The following KRT86 variants were observed in gnomAD, a reference collection of about 807,000 sequenced individuals.
KRT86 encodes keratin, type II cuticular Hb6.
Under a neutral mutation model 41.2 loss-of-function variants are expected in KRT86, and 30 were observed. The observed-to-expected ratio is 0.73, with a 90% CI of 0.54 to 0.99. The LOEUF (loss-of-function observed/expected upper bound fraction) is 0.99. KRT86 is among the 50% of genes least tolerant of loss of function. The pLI is 0.00. For synonymous variants in KRT86, 238 were observed against 238.1 expected, an observed-to-expected ratio of 1.00 and a Z score of 0.00; for missense variants, 561 against 571.4, an observed-to-expected ratio of 0.98 and a Z score of 0.19.
Position 52,308,990 on chromosome 12 carries a change from C to G in KRT86, c.*405C>G, listed in dbSNP as rs1351635418. The G allele has an allele frequency of 4.1e-6, 1 of 243,838 alleles. No individual in the cohort carries two copies. Among genetic ancestry groups the G allele is most frequent in the East Asian group, 1.2e-4 (1 of 8,362 alleles). The allele number at this position is 243,838 out of a possible 1,614,324, so 15.1% of individuals were successfully genotyped here. Reference sequence around the variant, plus strand: ...TGCTTTTGCCTGTGGAATGGAGACGCGGACCCTGGATAGTGGTTCTATGAC... The same window carrying G: ...TGCTTTTGCCTGTGGAATGGAGACGGGGACCCTGGATAGTGGTTCTATGAC... On this transcript the variant is annotated 3_prime_UTR_variant, in exon 11 of 11. Coordinates refer to ENST00000423955, the MANE Select transcript of KRT86 (RefSeq NM_001320198.2).
chr12:52,283,652 G>T lies in KRT86; in HGVS notation c.-5+7706G>T, dbSNP rs1047883494. On this transcript the variant is annotated intron_variant, in intron 2 of 10. Coordinates refer to ENST00000423955, the MANE Select transcript of KRT86 (RefSeq NM_001320198.2). Reference sequence around the variant, plus strand: ...TACCACCACGCCTGGCTAATTTTTTGTATTTTCAGTAGAGATGGGGTTTCT... The same window carrying T: ...TACCACCACGCCTGGCTAATTTTTTTTATTTTCAGTAGAGATGGGGTTTCT... Among the ~76,000 whole-genome samples the T allele has an allele frequency of 4.0e-5, 6 of 151,752 alleles. No homozygotes were observed. In the South Asian group the frequency reaches 1.2e-3, roughly 31 times the overall value.
chr12:52,308,550 GT>G lies in KRT86; in HGVS notation c.1428del (p.Gly477AlafsTer43), dbSNP rs752996118. The G allele has an allele frequency of 4.4e-6, 7 of 1,600,324 alleles. No individual in the cohort carries two copies. Among genetic ancestry groups the G allele is most frequent in the African/African-American group, 1.3e-5 (1 of 74,938 alleles). Reference protein sequence around the residue: ...TTNACAPSARVGVCGGSCKRC With the variant: ...TTNACAPSARXGVCGGSCKRC ...TAACGCCTGCGCCCCCTCCGCCCGG[GT>G]TGGCGTCTGCGGCGGCAGCTGTAAG... is the stretch of plus-strand genomic sequence containing the variant. On this transcript the variant is annotated frameshift_variant, in exon 11 of 11. Transcript: ENST00000423955. LOFTEE classifies it high-confidence loss of function.
rs761421588 is a variant in KRT86 at position 52,305,033 on chromosome 12, G to A, written c.735+6G>A. The A allele has an allele frequency of 7.4e-6, 12 of 1,613,648 alleles. No individual in the cohort carries two copies. The South Asian group carries it at 9.9e-5, about 13-fold the overall frequency. On this transcript the variant is annotated splice_donor_region_variant and intron_variant, in intron 6 of 10. Transcript: ENST00000423955. ...TGAGGCGGCTGTATGAGGAGGTGCG[G>A]GCTCAGGGGCCAGGCAGAGACCTGG...
intron 2 of KRT86, among the ~76,000 whole-genome samples, chr12:52,301,492 T>C (rs191417814): frequency 6.6e-6 from 1 of 152,204 alleles, no homozygotes; most frequent in African/African-American, 2.4e-5. Context: ...ACAGCGGCAT[T>C]GACCATGTCA....
At chr12:52,298,473 C>T (rs1029464319) in intron 2 of KRT86, among the ~76,000 whole-genome samples, 1 of 152,312 alleles carries the variant, frequency 6.6e-6, no homozygotes, top group East Asian at 1.9e-4. Context: ...ATGAGTATAT[C>T]CCATCAATGC....
rs544427931 is a variant in KRT86, at chr12:52,292,191, ACCCCGAT to A, written c.-4-9721_-4-9715del. On this transcript the variant is annotated intron_variant, in intron 2 of 10. Transcript: ENST00000423955. ...ACATGCATTGATGCTCCACCTGTTTACCCCGATTCAACAGTTAACATTATACCATATT... is the reference window on the plus strand; with the variant it reads ...ACATGCATTGATGCTCCACCTGTTTATCAACAGTTAACATTATACCATATT... Among the ~76,000 whole-genome samples, 23 of 152,330 alleles carry A rather than the reference ACCCCGAT, an allele frequency of 1.5e-4. No homozygotes were observed. In the East Asian group the frequency reaches 2.1e-3, roughly 14 times the overall value.
At chr12:52,299,162 A>AT (rs1224422121) in intron 2 of KRT86, among the ~76,000 whole-genome samples, 7 of 152,032 alleles carry the variant, frequency 4.6e-5, no homozygotes, top group African/African-American at 1.7e-4. Context: ...GATGAGATCA[A>AT]TTTTTTTAGC....
intron 2 of KRT86, among the ~76,000 whole-genome samples, chr12:52,276,581 G>A (rs891990525): frequency 1.3e-5 from 1 of 76,364 alleles, no homozygotes; most frequent in African/African-American, 3.5e-5. Context: ...AGAAATGCAA[G>A]TCTGAAAATA....
intron 2 of KRT86, among the ~76,000 whole-genome samples, chr12:52,297,723 TC>T (rs1211385567): frequency 6.6e-6 from 1 of 152,246 alleles, no homozygotes. Context: ...GAAGTGTCTT[TC>T]TTTTACTTAA....
At chr12:52,291,186 C>A (rs1938105274) in intron 2 of KRT86, 1 of 1,321,448 alleles carries the variant, frequency 7.6e-7, no homozygotes, top group Admixed American at 2.3e-5. Flanking sequence ...GGGTCGATCT[C>A]CAGGTTGAGG....
intron 2 of KRT86, chr12:52,288,472 G>C: frequency 6.2e-7 from 1 of 1,613,900 alleles, no homozygotes. Flanking sequence ...AAGGTGGGGA[G>C]TGTTGGAGCT....
chr12:52,304,828 TG>T (rs1046145801), intron 5 of KRT86, 103 bp from the exon 6 acceptor site: 5 of 1,263,732 alleles, frequency 4.0e-6, no homozygotes, highest in African/African-American at 2.9e-5. Context: ...AATGAGACAC[TG>T]GGGACTCCTT....
At chr12:52,288,477 G>A in intron 2 of KRT86, 2 of 1,613,626 alleles carry the variant, frequency 1.2e-6, no homozygotes, top group Non-Finnish European at 1.7e-6. Context: ...GGGGAGTGTT[G>A]GAGCTCAAGG....
intron 2 of KRT86, chr12:52,287,489 C>T (rs1361231420): frequency 1.9e-6 from 3 of 1,604,960 alleles, no homozygotes; most frequent in Non-Finnish European, 2.6e-6. Context: ...TCTACATGGA[C>T]AAAGGGGGTG....
rs71092757 is a variant in KRT86, at chr12:52,302,841, T to TGGG, written c.370-251_370-249dup. ...TCTGTTCATCTGCTTGGGTGGGGGG[T>TGGG]GGGGGGGGGGTCACTCAACTCCCCA... On this transcript the variant is annotated intron_variant, in intron 3 of 10. Transcript: ENST00000423955. 4.4e-3 allele frequency among the ~76,000 whole-genome samples: 553 copies of TGGG among 126,998 alleles called. 2 individuals carry two copies. Among genetic ancestry groups the TGGG allele is most frequent in the Middle Eastern group, 0.02 (5 of 244 alleles). 83.3% of individuals were successfully genotyped at this position (126,998 alleles called of 152,430 possible).
At chr12:52,277,123 G>T (rs572183275) in intron 2 of KRT86, among the ~76,000 whole-genome samples, 1 of 152,074 alleles carries the variant, frequency 6.6e-6, no homozygotes, top group African/African-American at 2.4e-5. Context: ...CTAGGTTCCC[G>T]TGAGGAATGG....
intron 2 of KRT86, among the ~76,000 whole-genome samples, chr12:52,285,236 C>A (rs548458893): frequency 1.4e-4 from 22 of 152,240 alleles, no homozygotes; most frequent in South Asian, 6.2e-4. Flanking sequence ...AGCTTGGGGC[C>A]CAGGCAGTCT....
intron 9 of KRT86, 58 bp downstream of exon 9, chr12:52,306,338 T>A: frequency 6.2e-7 from 1 of 1,611,084 alleles, no homozygotes. Flanking sequence ...GTGTGCTCTG[T>A]CCTCACACTC....
chr12:52,293,294 C>T (rs1004954778), intron 2 of KRT86, among the ~76,000 whole-genome samples: 2 of 152,168 alleles, frequency 1.3e-5, no homozygotes, highest in African/African-American at 4.8e-5. Context: ...GTGCCATTAT[C>T]CCCATTTTAC....
Sources: allele counts gnomAD v4.1 joint callset (sites outside exome capture counted in the v4.1 genomes callset), GRCh38; gene constraint gnomAD v4.1.1; transcripts MANE v1.5; gene names NCBI Gene and HGNC (gene_info 2026-07-23, HGNC 2026-07-21).